The following BUD23 variants were observed in gnomAD, a reference collection of about 807,000 sequenced individuals.
BUD23 encodes BUD23 rRNA methyltransferase and ribosome maturation factor, also known as 18S rRNA (guanine-N(7))-methyltransferase.
In BUD23, 34 loss-of-function variants were observed where a neutral mutation model predicts 47.0. The observed-to-expected ratio is 0.72, with a 90% CI of 0.55 to 0.96. BUD23 has a LOEUF of 0.96. Ranked by LOEUF, BUD23 falls within the 40% of genes least tolerant of loss-of-function variation. The pLI is 0.00. For synonymous variants in BUD23, 124 were observed against 132.0 expected (o/e 0.94, Z 0.41); for missense variants, 343 against 361.2 (o/e 0.95, Z 0.41).
intron 10 of BUD23, 100 bp downstream of exon 10, chr7:73,694,150 A>G (rs1220821302): frequency 5.6e-6 from 7 of 1,255,724 alleles, no homozygotes; most frequent in Non-Finnish European, 7.8e-6. Context: ...CTCAGGTCAC[A>G]TGCAGCAGGG....
At chr7:73,684,410 T>C (rs1397000717) in intron 2 of BUD23, among the ~76,000 whole-genome samples, 1 of 150,270 alleles carries the variant, frequency 6.7e-6, no homozygotes, top group Non-Finnish European at 1.5e-5. Context: ...GTGTGGTGGC[T>C]CCCCTCTGCC....
intron 10 of BUD23, chr7:73,695,926 G>A (rs180874588): frequency 7.2e-5 from 11 of 152,300 alleles, no homozygotes; most frequent in African/African-American, 2.6e-4. Context: ...ACACATACCA[G>A]TTGACTTGGT....
Position 73,697,953 on chromosome 7 carries a change from G to A in BUD23, c.*67G>A. On this transcript the variant is annotated 3_prime_UTR_variant, in exon 12 of 12. Coordinates refer to ENST00000265758, the MANE Select transcript of BUD23 (RefSeq NM_017528.5). Reference sequence around the variant, plus strand: ...TCTATATTGTTCAGCTGACAAAGTAGTATTTTAGAAAAGTTCTAAAGTTAT... The same window carrying A: ...TCTATATTGTTCAGCTGACAAAGTAATATTTTAGAAAAGTTCTAAAGTTAT... 2 of 1,538,190 alleles carry A rather than the reference G, an allele frequency of 1.3e-6. No homozygotes were observed. Among genetic ancestry groups the A allele is most frequent in the Non-Finnish European group, 1.8e-6 (2 of 1,142,692 alleles).
intron 7 of BUD23, 188 bp from the exon 8 acceptor site, chr7:73,693,141 C>G: frequency 1.6e-6 from 1 of 616,902 alleles, no homozygotes; most frequent in Admixed American, 2.8e-5. Flanking sequence ...TTCTGTAATT[C>G]TCCTGAGGGA....
chr7:73,685,258 C>T (rs36100458), intron 2 of BUD23, among the ~76,000 whole-genome samples: 3,114 of 152,298 alleles, frequency 0.02, 62 homozygotes, highest in Non-Finnish European at 0.036. Context: ...CCAGCCTTGG[C>T]GACAGAGTGA....
rs1554614369 is a variant in BUD23 at position 73,693,429 on chromosome 7, C to T, written c.596+15C>T. 1.2e-6 allele frequency: 2 copies of T among 1,613,866 alleles called. No individual in the cohort carries two copies. The highest frequency in any genetic ancestry group is 1.7e-6 in the Non-Finnish European group (2 of 1,179,834). ...AAAGCAAAGAAGTGAGCGCTGGGGGCCGGTGTGCTGCCTGGGCTGCAGGAG... is the reference window on the plus strand; with the variant it reads ...AAAGCAAAGAAGTGAGCGCTGGGGGTCGGTGTGCTGCCTGGGCTGCAGGAG... On this transcript the variant is annotated intron_variant, in intron 8 of 11. Transcript: ENST00000265758.
At position 73,683,635 on chromosome 7, in the gene BUD23, C is replaced by G. The variant is rs782192673; in HGVS notation, c.10C>G (p.Arg4Gly). 6.8e-6 allele frequency: 11 copies of G among 1,610,758 alleles called. No individual in the cohort carries two copies. The highest frequency in any genetic ancestry group is 1.3e-5 in the African/African-American group (1 of 74,850). The change falls in exon 1 of 12, where the codon CGC (arginine) becomes GGC (glycine). Residue 4 changes from arginine (R) to glycine (G), a missense_variant. Coordinates refer to ENST00000265758, the MANE Select transcript of BUD23 (RefSeq NM_017528.5). ...CTGCTGAGGCGTGAGAATGGCGTCC[C>G]GCGGCCGGCGTCCGGAGCATGGCGG... MAS[R>G]GRRPEHGGPP... is the part of the protein sequence containing the mutation.
chr7:73,695,703 A>G (rs141001819), intron 10 of BUD23: 2 of 152,230 alleles, frequency 1.3e-5, no homozygotes, highest in Non-Finnish European at 2.9e-5. Context: ...CACTGCCCCT[A>G]GCCTGGATTG....
intron 11 of BUD23, 41 bp from the exon 12 acceptor site, chr7:73,697,791 A>G (rs138430207): frequency 8.1e-6 from 13 of 1,611,854 alleles, no homozygotes; most frequent in Non-Finnish European, 1.1e-5. Context: ...GGCTGCTTTG[A>G]TCTTTTTTTT....
intron 5 of BUD23, among the ~76,000 whole-genome samples, chr7:73,690,253 T>G (rs1453795374): frequency 6.6e-6 from 1 of 152,064 alleles, no homozygotes; most frequent in Non-Finnish European, 1.5e-5. Context: ...GATCCACCCA[T>G]CTCAGCCTCC....
At chr7:73,695,166 G>A (rs1798352141) in intron 10 of BUD23, 1 of 152,346 alleles carries the variant, frequency 6.6e-6, no homozygotes, top group Non-Finnish European at 1.5e-5. Flanking sequence ...TGTTCAGGCT[G>A]ATCTTGAACT....
chr7:73,690,235 C>G (rs1798137751), intron 5 of BUD23, among the ~76,000 whole-genome samples: 1 of 152,082 alleles, frequency 6.6e-6, no homozygotes, highest in African/African-American at 2.4e-5. Flanking sequence ...GAACTCCTGA[C>G]CTCAAGTGAT....
At chr7:73,685,910 T>G (rs1428849241) in intron 2 of BUD23, among the ~76,000 whole-genome samples, 3 of 149,540 alleles carry the variant, frequency 2.0e-5, no homozygotes, top group Non-Finnish European at 4.5e-5. Flanking sequence ...GCTAACATGG[T>G]GAAACCCCGT....
At chr7:73,689,516 G>A (rs985566725) in intron 5 of BUD23, among the ~76,000 whole-genome samples, 2 of 152,268 alleles carry the variant, frequency 1.3e-5, no homozygotes, top group South Asian at 2.1e-4. Context: ...GTGTGCCCTA[G>A]GGAGTCATGG....
At chr7:73,692,457 C>T in intron 6 of BUD23, 139 bp from the exon 7 acceptor site, 1 of 693,096 alleles carries the variant, frequency 1.4e-6, no homozygotes, top group Non-Finnish European at 2.3e-6. Flanking sequence ...CTCTTTTGTT[C>T]ATACTATCCC....
intron 8 of BUD23, 71 bp from the exon 9 acceptor site, chr7:73,693,553 G>C (rs1242399394): frequency 7.5e-6 from 12 of 1,605,644 alleles, no homozygotes; most frequent in Middle Eastern, 1.7e-4. Flanking sequence ...GGTGCGGGTG[G>C]GGGAGCTGAG....
intron 9 of BUD23, 60 bp downstream of exon 9, chr7:73,693,729 C>T (rs1554614436): frequency 1.2e-6 from 2 of 1,601,552 alleles, no homozygotes; most frequent in Non-Finnish European, 1.7e-6. Context: ...CAGTGGGGCT[C>T]AGCCTGCAGA....
At chr7:73,694,482 T>G (rs1798319172) in intron 10 of BUD23, 1 of 160,724 alleles carries the variant, frequency 6.2e-6, no homozygotes, top group African/African-American at 2.4e-5. Context: ...AGTTCCTTCC[T>G]TAACCCCATA....
chr7:73,684,872 C>G (rs1331761743), intron 2 of BUD23, among the ~76,000 whole-genome samples: 1 of 126,546 alleles, frequency 7.9e-6, no homozygotes, highest in Non-Finnish European at 1.6e-5. Context: ...TGCAGTGAGC[C>G]GACATCACGG....
Sources: allele counts gnomAD v4.1 joint callset (sites outside exome capture counted in the v4.1 genomes callset), GRCh38; gene constraint gnomAD v4.1.1; transcripts MANE v1.5; gene names NCBI Gene and HGNC (gene_info 2026-07-23, HGNC 2026-07-21).